Variants in RASGRP1 observed in about 807,000 individuals in gnomAD.
RASGRP1 encodes RAS guanyl-releasing protein 1.
A neutral mutation model predicts 95.1 loss-of-function variants in RASGRP1; 37 were observed. That is an observed-to-expected ratio of 0.39 (90% CI 0.30 to 0.51). The LOEUF is 0.51. Among genes scored for constraint, RASGRP1 ranks in the 20% least tolerant of loss-of-function variants. The probability of loss-of-function intolerance (pLI) is 0.80; values close to 1 mark genes in which losing one functional copy is unlikely to be tolerated. For missense variants in RASGRP1, 711 were observed against 965.4 expected, an observed-to-expected ratio of 0.74 and a Z score of 3.49; for synonymous variants, 325 against 353.4, an observed-to-expected ratio of 0.92 and a Z score of 0.90.
chr15:38,497,631 A>G (rs907211824), intron 15 of RASGRP1, among the ~76,000 whole-genome samples: 3 of 152,150 alleles, frequency 2.0e-5, no homozygotes, highest in African/African-American at 7.2e-5. Flanking sequence ...GGCTCTTAGC[A>G]TATACTCTTG....
chr15:38,510,606 CATT>C (rs1269374740), intron 8 of RASGRP1, among the ~76,000 whole-genome samples: 1 of 152,206 alleles, frequency 6.6e-6, no homozygotes, highest in Admixed American at 6.5e-5. Flanking sequence ...AAAGAGCAGT[CATT>C]ATCTAACCCA....
intron 8 of RASGRP1, among the ~76,000 whole-genome samples, chr15:38,509,199 A>G (rs1222797035): frequency 1.3e-5 from 2 of 152,170 alleles, no homozygotes; most frequent in Non-Finnish European, 2.9e-5. Context: ...AACTTAGAGG[A>G]AACACTTTAG....
At chr15:38,550,596 A>C (rs1893301778) in intron 2 of RASGRP1, among the ~76,000 whole-genome samples, 1 of 152,194 alleles carries the variant, frequency 6.6e-6, no homozygotes, top group Non-Finnish European at 1.5e-5. Flanking sequence ...TTTTTAAAAA[A>C]TCAATTTTAA....
intron 2 of RASGRP1, among the ~76,000 whole-genome samples, chr15:38,534,920 G>A (rs539098925): frequency 6.6e-6 from 1 of 152,272 alleles, no homozygotes; most frequent in South Asian, 2.1e-4. Context: ...CAGCATCTAG[G>A]TACACAGGAA....
rs142674174 is a variant in RASGRP1 at position 38,531,967 on chromosome 15, T to C, written c.221-5563A>G. 7.7e-3 allele frequency among the ~76,000 whole-genome samples: 1,178 copies of C among 152,086 alleles called. 16 individuals are homozygous for C. Among genetic ancestry groups the C allele is most frequent in the Middle Eastern group, 0.034 (10 of 294 alleles). The stretch of plus-strand genomic sequence containing the variant: ...TCTTCTTCCTTTTTGAACAACCTCA[T>C]CGGGGATACGTCCCTTCCTGCCCTC... On this transcript the variant is annotated intron_variant, in intron 2 of 16. Transcript: ENST00000310803.
At chr15:38,509,615 A>G (rs1891416511) in intron 8 of RASGRP1, among the ~76,000 whole-genome samples, 1 of 152,172 alleles carries the variant, frequency 6.6e-6, no homozygotes, top group Non-Finnish European at 1.5e-5. Flanking sequence ...AGTCCCAGCT[A>G]CTTGGGAGCC....
At chr15:38,526,209 A>G in intron 3 of RASGRP1, 90 bp downstream of exon 3, 1 of 1,051,928 alleles carries the variant, frequency 9.5e-7, no homozygotes, top group Non-Finnish European at 1.5e-6. Context: ...GTTATTCCAA[A>G]CCAATAAAAA....
chr15:38,502,712 ACT>A (rs1340678481), intron 11 of RASGRP1: 3 of 280,622 alleles, frequency 1.1e-5, no homozygotes, highest in Non-Finnish European at 1.3e-5. Context: ...TTCTCCTTTC[ACT>A]CTACCCTTTT....
chr15:38,539,705 A>G (rs956073219), intron 2 of RASGRP1, among the ~76,000 whole-genome samples: 5 of 151,960 alleles, frequency 3.3e-5, no homozygotes, highest in African/African-American at 1.2e-4. Flanking sequence ...ATATCTCCCA[A>G]TGCTATCCCT....
chr15:38,516,357 T>G lies in RASGRP1; in HGVS notation c.522-7A>C. The G allele has an allele frequency of 6.2e-7, 1 of 1,607,208 alleles. No individual in the cohort carries two copies. The highest frequency in any genetic ancestry group is 1.3e-5 in the African/African-American group (1 of 74,860). On this transcript the variant is annotated splice_region_variant and splice_polypyrimidine_tract_variant and intron_variant, in intron 5 of 16. Coordinates refer to ENST00000310803, the MANE Select transcript of RASGRP1 (RefSeq NM_005739.4). ...GGACCAGTCACGGGCATTGCTTTTG[T>G]GGGTAAATGTGAAAGGGAGAAGACA...
intron 4 of RASGRP1, 85 bp downstream of exon 4, chr15:38,519,224 G>A: frequency 8.7e-7 from 1 of 1,145,828 alleles, no homozygotes; most frequent in East Asian, 2.4e-5. Flanking sequence ...TTCTATAGAG[G>A]TCAGGAAAGG....
intron 2 of RASGRP1, among the ~76,000 whole-genome samples, chr15:38,545,537 G>GTT (rs762448317): frequency 6.9e-6 from 1 of 143,938 alleles, no homozygotes; most frequent in East Asian, 2.0e-4. Context: ...TTCCCTGACA[G>GTT]TTTTTTTTTT....
intron 1 of RASGRP1, among the ~76,000 whole-genome samples, chr15:38,562,883 TC>T (rs1320409840): frequency 6.6e-6 from 1 of 152,218 alleles, no homozygotes; most frequent in Non-Finnish European, 1.5e-5. Context: ...ATAAGTGGAT[TC>T]TTGAAGGTTG....
At chr15:38,517,828 C>G (rs1891848314) in intron 5 of RASGRP1, among the ~76,000 whole-genome samples, 1 of 152,140 alleles carries the variant, frequency 6.6e-6, no homozygotes, top group Non-Finnish European at 1.5e-5. Flanking sequence ...TTAAAACATT[C>G]CTGGAATCCC....
At chr15:38,504,604 C>T (rs1183674978) in intron 10 of RASGRP1, 1 of 152,124 alleles carries the variant, frequency 6.6e-6, no homozygotes, top group Non-Finnish European at 1.5e-5. Flanking sequence ...TTCTGGAGGA[C>T]TTGCCTGAGG....
intron 2 of RASGRP1, among the ~76,000 whole-genome samples, chr15:38,544,092 T>C (rs896907607): frequency 6.6e-6 from 1 of 152,176 alleles, no homozygotes; most frequent in African/African-American, 2.4e-5. Context: ...TTCATTAGGG[T>C]GAGTCAAGAT....
chr15:38,558,010 G>A (rs1893638653), intron 2 of RASGRP1, among the ~76,000 whole-genome samples: 1 of 152,148 alleles, frequency 6.6e-6, no homozygotes, highest in African/African-American at 2.4e-5. Context: ...CTTGAACTCG[G>A]CCGGCAGTTG....
chr15:38,518,384 G>A lies in RASGRP1; in HGVS notation c.429C>T (p.Asp143=), dbSNP rs56366451. The A allele has an allele frequency of 0.015, 24,258 of 1,607,194 alleles. 231 individuals carry two copies. The highest frequency in any genetic ancestry group is 0.019 in the Non-Finnish European group (22,350 of 1,176,690). Residue 143 remains aspartate, a synonymous_variant, in exon 5 of 17, where the codon GAC becomes GAT. Transcript: ENST00000310803. ...CCTCCATAGTGTCTGTCAAGCTGGC[G>A]TCCATTTTAAACATGACCCAGAATT... ...ITEFWVMFKM[D]ASLTDTMEEF...
intron 12 of RASGRP1, 175 bp from the exon 13 acceptor site, chr15:38,501,462 C>T: frequency 1.2e-6 from 1 of 818,770 alleles, no homozygotes; most frequent in South Asian, 1.4e-5. Context: ...TACAAGATGA[C>T]ATGTGGTAAG....
Sources: gnomAD v4.1 joint callset for allele counts (sites outside exome capture counted in the v4.1 genomes callset) on GRCh38, gnomAD v4.1.1 for gene constraint, MANE v1.5 for transcripts, NCBI Gene and HGNC (gene_info 2026-07-23, HGNC 2026-07-21) for gene names.